The following DMD variants were observed in gnomAD, a reference collection of about 807,000 sequenced individuals.
DMD encodes the protein dystrophin, also known as mutant dystrophin.
Under a neutral mutation model 330.1 loss-of-function variants are expected in DMD, and 63 were observed. The observed-to-expected ratio is 0.19, with a 90% CI of 0.16 to 0.24. The LOEUF is 0.24. DMD is among the 10% of genes least tolerant of loss of function. The probability of loss-of-function intolerance (pLI) is 1.00; values close to 1 mark genes in which losing one functional copy is unlikely to be tolerated. For synonymous variants in DMD, 1,223 were observed against 959.8 expected (o/e 1.27, Z -5.07); for missense variants, 3,344 against 2,684.1 (o/e 1.25, Z -5.43).
intron 1 of DMD, among the ~76,000 whole-genome samples, chrX:33,232,087 T>C (rs920256593): frequency 8.9e-6 from 1 of 111,966 alleles, no homozygotes; most frequent in African/African-American, 3.2e-5. Flanking sequence ...CCTAAAATGC[T>C]GTATTGGTGA....
intron 2 of DMD, among the ~76,000 whole-genome samples, chrX:32,957,925 A>G (rs981362979): frequency 8.9e-6 from 1 of 112,323 alleles, no homozygotes; most frequent in Non-Finnish European, 1.9e-5. Flanking sequence ...CCTGATCATC[A>G]GAAGCATTAG....
At chrX:31,745,129 C>T (rs1433167009) in intron 51 of DMD, among the ~76,000 whole-genome samples, 1 of 111,905 alleles carries the variant, frequency 8.9e-6, no homozygotes, top group African/African-American at 3.3e-5. Context: ...GCAACATGAA[C>T]TGTAACTTAG....
intron 63 of DMD, among the ~76,000 whole-genome samples, chrX:31,257,859 T>C (rs1376274449): frequency 8.9e-6 from 1 of 111,888 alleles, no homozygotes; most frequent in Non-Finnish European, 1.9e-5. Flanking sequence ...AGCAGGAGAA[T>C]CACTTCATCC....
In DMD at chrX:31,198,509, G is replaced by A. The variant is rs1178903206; in HGVS notation, c.9807+5452C>T. ...CTCTGATTGTGTTACCCTACACATT[G>A]TATGCTTGTATCAAAATATCACATG... On this transcript the variant is annotated intron_variant, in intron 67 of 78. Coordinates refer to ENST00000357033, the MANE Select transcript of DMD (RefSeq NM_004006.3). Among the ~76,000 whole-genome samples the A allele has an allele frequency of 2.7e-5, 3 of 112,353 alleles. No individual in the cohort carries two copies. In the Admixed American group the frequency reaches 2.8e-4, roughly 11 times the overall value.
intron 21 of DMD, among the ~76,000 whole-genome samples, chrX:32,474,357 C>CT (rs759846436): frequency 1.8e-5 from 2 of 111,207 alleles, no homozygotes; most frequent in East Asian, 5.7e-4. Context: ...TGAATAATGA[C>CT]TTTTTTTCCT....
chrX:32,894,683 C>T (rs925707576), intron 2 of DMD, among the ~76,000 whole-genome samples: 1 of 112,318 alleles, frequency 8.9e-6, no homozygotes, highest in Admixed American at 9.4e-5. Context: ...TCCCAGATTC[C>T]GTAGCTCGGA....
intron 44 of DMD, among the ~76,000 whole-genome samples, chrX:32,085,595 TGTATATATGTGTATATATATAC>T (rs1569541117): frequency 9.7e-6 from 1 of 103,208 alleles, no homozygotes; most frequent in East Asian, 3.0e-4. Flanking sequence ...CACACATATA[TGTATATATGTGTATATATATAC>T]GTATATATAT....
At chrX:32,992,102 C>T (rs146475300) in intron 2 of DMD, among the ~76,000 whole-genome samples, 3,080 of 111,843 alleles carry the variant, frequency 0.028, 103 homozygotes, top group African/African-American at 0.093. Context: ...GCATACTTAA[C>T]AATTTGGAGA....
intron 1 of DMD, among the ~76,000 whole-genome samples, chrX:33,168,031 T>C (rs2049144954): frequency 9.0e-6 from 1 of 111,039 alleles, no homozygotes; most frequent in African/African-American, 3.3e-5. Flanking sequence ...CTTTCTATTT[T>C]GTAATGTCAA....
chrX:32,363,554 A>T (rs1317589804), intron 36 of DMD, among the ~76,000 whole-genome samples: 1 of 112,001 alleles, frequency 8.9e-6, no homozygotes, highest in Non-Finnish European at 1.9e-5. Flanking sequence ...AATAACTCAG[A>T]CCCTATTATT....
chrX:32,319,830 C>G (rs1264657572), intron 41 of DMD, among the ~76,000 whole-genome samples: 1 of 110,647 alleles, frequency 9.0e-6, no homozygotes, highest in Admixed American at 9.7e-5. Context: ...TATGAGAAGA[C>G]TTGTATTCAA....
chrX:32,615,108 A>AC (rs781008824), intron 11 of DMD, among the ~76,000 whole-genome samples: 2 of 110,838 alleles, frequency 1.8e-5, no homozygotes, highest in African/African-American at 3.3e-5. Context: ...CCAAGGGGTG[A>AC]CCCCCAGCTA....
At chrX:33,239,569 A>T (rs2052553399) in intron 1 of DMD, among the ~76,000 whole-genome samples, 1 of 111,940 alleles carries the variant, frequency 8.9e-6, no homozygotes, top group Admixed American at 9.5e-5. Flanking sequence ...CATCTAAGTT[A>T]AAAAAATCCA....
intron 44 of DMD, among the ~76,000 whole-genome samples, chrX:32,148,085 G>A (rs1048780834): frequency 3.6e-5 from 4 of 109,760 alleles, no homozygotes; most frequent in Non-Finnish European, 7.6e-5. Flanking sequence ...CACCGTGTTC[G>A]CCAGGATGGT....
chrX:32,960,898 A>C (rs1179048831), intron 2 of DMD, among the ~76,000 whole-genome samples: 3 of 75,576 alleles, frequency 4.0e-5, no homozygotes, highest in African/African-American at 1.5e-4. Flanking sequence ...AAACATGATT[A>C]TTTTATTGCA....
chrX:32,639,283 T>G (rs933147184), intron 11 of DMD, among the ~76,000 whole-genome samples: 1 of 111,813 alleles, frequency 8.9e-6, no homozygotes, highest in African/African-American at 3.2e-5. Flanking sequence ...GTTTTCCCTG[T>G]GCCAGTTGTC....
In DMD at chrX:32,274,877, C is replaced by T. The variant is rs144050623; in HGVS notation, c.6290+12652G>A. On this transcript the variant is annotated intron_variant, in intron 43 of 78. Transcript: ENST00000357033. The stretch of plus-strand genomic sequence containing the variant: ...TTGATAGTCCAATATACATTAAATA[C>T]CTCATGACACCAACTATATGGGGTT... Among the ~76,000 whole-genome samples the T allele has an allele frequency of 6.3e-3, 705 of 111,893 alleles. 8 individuals are homozygous for T. Among genetic ancestry groups the T allele is most frequent in the African/African-American group, 0.022 (688 of 30,806 alleles).
At chrX:32,479,442 T>C (rs2041593594) in intron 21 of DMD, among the ~76,000 whole-genome samples, 1 of 110,993 alleles carries the variant, frequency 9.0e-6, no homozygotes, top group African/African-American at 3.3e-5. Context: ...AACCTTCCTC[T>C]TCCCCCCAGT....
intron 54 of DMD, among the ~76,000 whole-genome samples, chrX:31,657,260 T>A (rs7052206): frequency 0.014 from 1,530 of 112,066 alleles, 26 homozygotes; most frequent in African/African-American, 0.047. Flanking sequence ...ACTAGCTCCC[T>A]ATTATATCAC....
Sources: allele counts gnomAD v4.1 joint callset (sites outside exome capture counted in the v4.1 genomes callset), GRCh38; gene constraint gnomAD v4.1.1; transcripts MANE v1.5; gene names NCBI Gene and HGNC (gene_info 2026-07-23, HGNC 2026-07-21).